Variants in ARID2 observed in about 807,000 individuals in gnomAD.
The protein encoded by ARID2 is AT-rich interactive domain-containing protein 2.
Under a neutral mutation model 184.6 loss-of-function variants are expected in ARID2, and 32 were observed. The ratio of observed to expected loss-of-function variants is 0.17; its 90% CI spans 0.13 to 0.23. The LOEUF is 0.23. ARID2 is among the 10% of genes least tolerant of loss of function. ARID2 has a pLI of 1.00. For synonymous variants in ARID2, 836 were observed against 772.6 expected, an observed-to-expected ratio of 1.08 and a Z score of -1.36; for missense variants, 1,696 against 2,197.6, an observed-to-expected ratio of 0.77 and a Z score of 4.56.
chr12:45,843,720 A>G (rs1466576871), intron 11 of ARID2, among the ~76,000 whole-genome samples: 2 of 152,180 alleles, frequency 1.3e-5, no homozygotes, highest in African/African-American at 4.8e-5. Flanking sequence ...TTTGATGTTT[A>G]GGTGCTTTTT....
At chr12:45,874,934 G>T (rs1943986116) in intron 16 of ARID2, among the ~76,000 whole-genome samples, 1 of 152,160 alleles carries the variant, frequency 6.6e-6, no homozygotes, top group South Asian at 2.1e-4. Flanking sequence ...GATGAGGCTG[G>T]CAATATAGCA....
At chr12:45,876,048 T>C (rs1234974168) in intron 16 of ARID2, among the ~76,000 whole-genome samples, 1 of 152,260 alleles carries the variant, frequency 6.6e-6, no homozygotes, top group Non-Finnish European at 1.5e-5. Flanking sequence ...CTTTCTCAGC[T>C]TTGCCATACC....
At chr12:45,737,288 A>G (rs1352614622) in intron 3 of ARID2, among the ~76,000 whole-genome samples, 1 of 151,982 alleles carries the variant, frequency 6.6e-6, no homozygotes, top group Non-Finnish European at 1.5e-5. Context: ...CTGCCATAGA[A>G]ATTTTTGGTG....
intron 3 of ARID2, 145 bp downstream of exon 3, chr12:45,731,459 T>C: frequency 1.7e-6 from 1 of 596,432 alleles, no homozygotes. Context: ...TTAATATAAA[T>C]AAAGTGAGAT....
In ARID2 at chr12:45,729,713, C is replaced by T. The variant is rs1464573713; in HGVS notation, c.-124C>T. Reference sequence around the variant, plus strand: ...GCCGCCGCCGCCGCCACCGCCGGCCCATGACTGAGCCCCGCCGCCGCCGGC... The same window carrying T: ...GCCGCCGCCGCCGCCACCGCCGGCCTATGACTGAGCCCCGCCGCCGCCGGC... On this transcript the variant is annotated 5_prime_UTR_variant, in exon 1 of 21. Transcript: ENST00000334344. 3 of 907,564 alleles carry T rather than the reference C, an allele frequency of 3.3e-6. No individual in the cohort carries two copies. Among genetic ancestry groups the T allele is most frequent in the African/African-American group, 1.8e-5 (1 of 55,528 alleles). The allele number at this position is 907,564 out of a possible 1,614,324, so 56.2% of individuals were successfully genotyped here.
intron 11 of ARID2, 114 bp from the exon 12 acceptor site, chr12:45,846,742 C>T (rs2138149784): frequency 1.2e-6 from 1 of 837,744 alleles, no homozygotes; most frequent in Non-Finnish European, 1.9e-6. Context: ...TATGTTTATA[C>T]ACCTTTTAAA....
chr12:45,890,619 T>C (rs946340819), intron 16 of ARID2, among the ~76,000 whole-genome samples: 1 of 152,184 alleles, frequency 6.6e-6, no homozygotes, highest in African/African-American at 2.4e-5. Flanking sequence ...AATATACTTT[T>C]GTAGGTATTT....
In ARID2 at chr12:45,906,064, T is replaced by C. The variant is rs1944526778; in HGVS notation, c.*986T>C. 1 of 232,464 alleles carries C rather than the reference T, an allele frequency of 4.3e-6. No homozygotes were observed. Among genetic ancestry groups the C allele is most frequent in the Admixed American group, 5.6e-5 (1 of 17,736 alleles). The allele number at this position is 232,464 out of a possible 1,614,324, so 14.4% of individuals were successfully genotyped here. ...AGAAAAACTATTTGAAGGTATTTTT[T>C]GGTTTTCCTTAACATGTATCCACTG... On this transcript the variant is annotated 3_prime_UTR_variant, in exon 21 of 21. Coordinates refer to ENST00000334344, the MANE Select transcript of ARID2 (RefSeq NM_152641.4).
intron 15 of ARID2, among the ~76,000 whole-genome samples, chr12:45,853,518 C>T (rs575676607): frequency 8.5e-5 from 13 of 152,284 alleles, no homozygotes; most frequent in Non-Finnish European, 1.6e-4. Flanking sequence ...GCCTAAGATT[C>T]CATCTCTGCA....
In ARID2 at chr12:45,870,979, G is replaced by A. The variant is rs140459071; in HGVS notation, c.4922+10030G>A. Among the ~76,000 whole-genome samples the A allele has an allele frequency of 5.1e-3, 779 of 152,250 alleles. 7 individuals are homozygous for A. Among genetic ancestry groups the A allele is most frequent in the Non-Finnish European group, 9.2e-3 (623 of 68,008 alleles). On this transcript the variant is annotated intron_variant, in intron 16 of 20. Coordinates refer to ENST00000334344, the MANE Select transcript of ARID2 (RefSeq NM_152641.4). ...CTAACTCATTTGGGCAAACACCTAGGATTATAATTGCTGGATCATATGATA... is the reference window on the plus strand; with the variant it reads ...CTAACTCATTTGGGCAAACACCTAGAATTATAATTGCTGGATCATATGATA...
intron 6 of ARID2, among the ~76,000 whole-genome samples, chr12:45,829,856 C>T (rs566637405): frequency 2.2e-5 from 3 of 137,438 alleles, no homozygotes; most frequent in African/African-American, 8.1e-5. Context: ...GAGCAGCATT[C>T]TGGGTAATTT....
At chr12:45,856,359 G>A (rs542550081) in intron 15 of ARID2, among the ~76,000 whole-genome samples, 2 of 152,258 alleles carry the variant, frequency 1.3e-5, no homozygotes, top group Non-Finnish European at 2.9e-5. Context: ...AAGCCACCAT[G>A]CCTGACTAAA....
intron 6 of ARID2, among the ~76,000 whole-genome samples, chr12:45,828,569 GT>G (rs1943048674): frequency 6.6e-6 from 1 of 151,998 alleles, no homozygotes; most frequent in Non-Finnish European, 1.5e-5. Context: ...CAGTTGTACA[GT>G]TTTACCTTCT....
intron 16 of ARID2, among the ~76,000 whole-genome samples, chr12:45,879,570 G>C (rs978341259): frequency 6.6e-6 from 1 of 152,190 alleles, no homozygotes; most frequent in African/African-American, 2.4e-5. Flanking sequence ...CTGATTCTCT[G>C]TATTCAAGGG....
At chr12:45,817,551 A>G in intron 4 of ARID2, 119 bp from the exon 5 acceptor site, 1 of 246,972 alleles carries the variant, frequency 4.0e-6, no homozygotes, top group East Asian at 8.1e-5. Flanking sequence ...ATATATATTT[A>G]TATTATATTT....
In ARID2 at chr12:45,853,350, C is replaced by G. The variant is rs531035605; in HGVS notation, c.4773+454C>G. On this transcript the variant is annotated intron_variant, in intron 15 of 20. Transcript: ENST00000334344. The stretch of plus-strand genomic sequence containing the variant: ...AGGATGAATCTTGTAATAACTTTAT[C>G]AGTCGTATTCTTTTTGTATTTATGT... Among the ~76,000 whole-genome samples the G allele has an allele frequency of 1.8e-4, 28 of 152,232 alleles. No homozygotes were observed. In the South Asian group the frequency reaches 5.4e-3, roughly 29 times the overall value.
chr12:45,864,057 A>C (rs1488934932), intron 16 of ARID2, among the ~76,000 whole-genome samples: 2 of 151,832 alleles, frequency 1.3e-5, no homozygotes, highest in African/African-American at 4.8e-5. Context: ...GGGTTTTGCC[A>C]TGTTGCCAAG....
At chr12:45,734,874 A>G (rs1042480199) in intron 3 of ARID2, among the ~76,000 whole-genome samples, 4 of 152,216 alleles carry the variant, frequency 2.6e-5, no homozygotes, top group African/African-American at 9.6e-5. Flanking sequence ...TGATGCCAAT[A>G]TTACAGCTAT....
At chr12:45,812,040 T>TGAAAAAAATCAAGTTG (rs1181383584) in intron 4 of ARID2, among the ~76,000 whole-genome samples, 1 of 152,010 alleles carries the variant, frequency 6.6e-6, no homozygotes, top group Non-Finnish European at 1.5e-5. Flanking sequence ...ATCCACAGCT[T>TGAAAAAAATCAAGTTG]GAAAAAAATC....
Sources: gnomAD v4.1 joint callset for allele counts (sites outside exome capture counted in the v4.1 genomes callset) on GRCh38, gnomAD v4.1.1 for gene constraint, MANE v1.5 for transcripts, NCBI Gene and HGNC (gene_info 2026-07-23, HGNC 2026-07-21) for gene names.